Variants in MACROD2 observed in about 807,000 individuals in gnomAD.
MACROD2 encodes mono-ADP ribosylhydrolase 2, also known as ADP-ribose glycohydrolase MACROD2.
MACROD2 carries 36 observed loss-of-function variants against 70.4 expected under a neutral mutation model. The observed-to-expected ratio is 0.51, with a 90% CI of 0.39 to 0.68. MACROD2 has a LOEUF of 0.68. Among genes scored for constraint, MACROD2 ranks in the 30% least tolerant of loss-of-function variants. The probability of loss-of-function intolerance (pLI) is 0.00; values close to 1 mark genes in which losing one functional copy is unlikely to be tolerated. For synonymous variants in MACROD2, 172 were observed against 178.8 expected (o/e 0.96, Z 0.30); for missense variants, 496 against 538.4 (o/e 0.92, Z 0.78).
intron 4 of MACROD2, among the ~76,000 whole-genome samples, chr20:14,633,704 C>T (rs2123477492): frequency 1.3e-5 from 2 of 152,318 alleles, no homozygotes; most frequent in East Asian, 3.9e-4. Context: ...TCGCTTCCTT[C>T]TCTCCCACAT....
intron 5 of MACROD2, among the ~76,000 whole-genome samples, chr20:14,741,034 G>T (rs1388098284): frequency 6.6e-6 from 1 of 152,114 alleles, no homozygotes; most frequent in Admixed American, 6.6e-5. Context: ...AAATCATCCA[G>T]AAATAATTAA....
chr20:15,156,907 TTAAAAG>T (rs1429754893), intron 5 of MACROD2, among the ~76,000 whole-genome samples: 3 of 152,228 alleles, frequency 2.0e-5, no homozygotes, highest in Non-Finnish European at 2.9e-5. Context: ...AAATTAAACT[TTAAAAG>T]TAAAAAGTTT....
intron 5 of MACROD2, among the ~76,000 whole-genome samples, chr20:15,136,954 A>C (rs1281066488): frequency 2.0e-5 from 3 of 146,478 alleles, no homozygotes; most frequent in Non-Finnish European, 3.0e-5. Flanking sequence ...AGACACATGA[A>C]AAAATGCTCA....
At chr20:15,015,522 G>A (rs572320517) in intron 5 of MACROD2, among the ~76,000 whole-genome samples, 2 of 150,642 alleles carry the variant, frequency 1.3e-5, no homozygotes, top group East Asian at 1.9e-4. Context: ...TTCCCAGTAA[G>A]TACAAGCATG....
chr20:15,944,145 G>A (rs1223687706), intron 12 of MACROD2, among the ~76,000 whole-genome samples: 1 of 151,964 alleles, frequency 6.6e-6, no homozygotes, highest in Non-Finnish European at 1.5e-5. Context: ...CCTACATTTT[G>A]GATAAATCTT....
In MACROD2 at chr20:14,050,285, A is replaced by G. The variant is rs6110146; in HGVS notation, c.164-35336A>G. Among the ~76,000 whole-genome samples, 1,249 of 152,256 alleles carry G rather than the reference A, an allele frequency of 8.2e-3. 13 individuals are homozygous for G. The highest frequency in any genetic ancestry group is 0.029 in the African/African-American group (1,191 of 41,544). ...AGCCTGAGAACTCTATCAAGAACTCATATGGGAAGAAGGAAAGGAAAGATG... is the reference window on the plus strand; with the variant it reads ...AGCCTGAGAACTCTATCAAGAACTCGTATGGGAAGAAGGAAAGGAAAGATG... On this transcript the variant is annotated intron_variant, in intron 2 of 17. Transcript: ENST00000684519.
intron 8 of MACROD2, among the ~76,000 whole-genome samples, chr20:15,662,946 G>A (rs575608626): frequency 7.9e-5 from 12 of 151,388 alleles, no homozygotes; most frequent in South Asian, 6.3e-4. Context: ...GACTTCTGTC[G>A]CTTAAATAAG....
intron 5 of MACROD2, among the ~76,000 whole-genome samples, chr20:14,965,900 A>G (rs6034074): frequency 0.022 from 3,347 of 152,230 alleles, 134 homozygotes; most frequent in African/African-American, 0.075. Context: ...ATCTTATTTA[A>G]ACAAGTATAA....
intron 3 of MACROD2, among the ~76,000 whole-genome samples, chr20:14,440,420 ATTC>A (rs2084108299): frequency 6.6e-6 from 1 of 152,114 alleles, no homozygotes; most frequent in South Asian, 2.1e-4. Flanking sequence ...GCCCAAGACA[ATTC>A]TTCTGCTTCC....
At chr20:15,109,472 G>A (rs1267195679) in intron 5 of MACROD2, among the ~76,000 whole-genome samples, 1 of 152,126 alleles carries the variant, frequency 6.6e-6, no homozygotes, top group Non-Finnish European at 1.5e-5. Flanking sequence ...ATGTGGAAGA[G>A]GTAGGAAGCT....
At chr20:15,215,145 C>A (rs753235010) in intron 5 of MACROD2, among the ~76,000 whole-genome samples, 7 of 151,750 alleles carry the variant, frequency 4.6e-5, no homozygotes, top group Non-Finnish European at 1.0e-4. Flanking sequence ...TAAAATAAAT[C>A]GGGCTTAAAA....
At chr20:15,154,864 A>G (rs2076296098) in intron 5 of MACROD2, among the ~76,000 whole-genome samples, 1 of 152,154 alleles carries the variant, frequency 6.6e-6, no homozygotes, top group Non-Finnish European at 1.5e-5. Flanking sequence ...GGCTTCTTAT[A>G]TAGGAAAGCA....
intron 8 of MACROD2, among the ~76,000 whole-genome samples, chr20:15,639,665 A>T (rs28531995): frequency 6.6e-6 from 1 of 152,240 alleles, no homozygotes; most frequent in East Asian, 1.9e-4. Context: ...TCCATCACCA[A>T]TGATGGGTAT....
chr20:15,162,686 T>C (rs2076357062), intron 5 of MACROD2, among the ~76,000 whole-genome samples: 1 of 152,110 alleles, frequency 6.6e-6, no homozygotes, highest in Non-Finnish European at 1.5e-5. Flanking sequence ...CATGCTTAGA[T>C]AAAATAACTC....
chr20:15,301,292 C>T (rs1213463507), intron 6 of MACROD2, among the ~76,000 whole-genome samples: 1 of 152,180 alleles, frequency 6.6e-6, no homozygotes, highest in African/African-American at 2.4e-5. Context: ...AGTTACCTGG[C>T]AGGCCTGCCC....
intron 3 of MACROD2, among the ~76,000 whole-genome samples, chr20:14,363,683 C>T (rs968930427): frequency 2.6e-4 from 20 of 76,688 alleles, no homozygotes; most frequent in Admixed American, 1.4e-3. Flanking sequence ...TAGCCGGGCG[C>T]GGTGGCGCCT....
At chr20:14,757,745 GC>G in intron 5 of MACROD2, 4 of 1,532,120 alleles carry the variant, frequency 2.6e-6, no homozygotes, top group Middle Eastern at 2.0e-4. Context: ...GGCACAGTTT[GC>G]CTGGAGACAT....
intron 15 of MACROD2, among the ~76,000 whole-genome samples, chr20:16,035,755 A>G (rs2067226299): frequency 7.3e-6 from 1 of 137,218 alleles, no homozygotes; most frequent in Non-Finnish European, 1.6e-5. Flanking sequence ...GATCAACTGC[A>G]ACTAGTCTGG....
chr20:15,928,830 A>C (rs1217788187), intron 10 of MACROD2, among the ~76,000 whole-genome samples: 1 of 152,236 alleles, frequency 6.6e-6, no homozygotes, highest in Admixed American at 6.5e-5. Flanking sequence ...CCTCTGTTAT[A>C]TCAGCTAATT....
Sources: gnomAD v4.1 joint callset for allele counts (sites outside exome capture counted in the v4.1 genomes callset) on GRCh38, gnomAD v4.1.1 for gene constraint, MANE v1.5 for transcripts, NCBI Gene and HGNC (gene_info 2026-07-23, HGNC 2026-07-21) for gene names.